BCAS3: variants seen among roughly 807,000 people sequenced by gnomAD.
The protein encoded by BCAS3 is BCAS3 microtubule associated cell migration factor.
In BCAS3, 53 loss-of-function variants were observed where a neutral mutation model predicts 116.1. That is an observed-to-expected ratio of 0.46 (90% CI 0.37 to 0.57). The LOEUF is 0.57. BCAS3 is among the 20% of genes least tolerant of loss of function. The probability of loss-of-function intolerance (pLI) is 0.00; values close to 1 mark genes in which losing one functional copy is unlikely to be tolerated. For missense variants in BCAS3, 917 were observed against 1,165.4 expected, an observed-to-expected ratio of 0.79 and a Z score of 3.10; for synonymous variants, 391 against 408.2, an observed-to-expected ratio of 0.96 and a Z score of 0.51.
At chr17:60,732,942 A>T (rs922712011) in intron 5 of BCAS3, among the ~76,000 whole-genome samples, 2 of 152,256 alleles carry the variant, frequency 1.3e-5, no homozygotes, top group African/African-American at 4.8e-5. Context: ...TATTAATAGC[A>T]TGATTTGAGA....
In BCAS3 at chr17:61,285,770, A is replaced by G. The variant is rs920903545; in HGVS notation, c.2426-82557A>G. ...AGAGACTAGGAGCTAGGAGCTGCGGATCTGCAGTTTCCCAAAGGTAAAGGA... is the reference window on the plus strand; with the variant it reads ...AGAGACTAGGAGCTAGGAGCTGCGGGTCTGCAGTTTCCCAAAGGTAAAGGA... On this transcript the variant is annotated intron_variant, in intron 22 of 23. Coordinates refer to ENST00000407086, the MANE Select transcript of BCAS3 (RefSeq NM_017679.5). This position sits in a 1 kb window ranked among gnomAD's most constrained non-coding sequence, Gnocchi z 5.4. Among the ~76,000 whole-genome samples, 2 of 152,194 alleles carry G rather than the reference A, an allele frequency of 1.3e-5. No individual in the cohort carries two copies. The highest frequency in any genetic ancestry group is 2.4e-5 in the African/African-American group (1 of 41,434).
In BCAS3 at chr17:61,366,240, G is replaced by A. The variant is rs923321890; in HGVS notation, c.2426-2087G>A. On this transcript the variant is annotated intron_variant, in intron 22 of 23. Transcript: ENST00000407086. This position sits in a 1 kb window ranked among gnomAD's most constrained non-coding sequence, Gnocchi z 4.5. ...TCGCATGCAGACCCTTCAGAGAAAC[G>A]ATGATGCTTTAGCACTGTAGCACTA... Among the ~76,000 whole-genome samples the A allele has an allele frequency of 6.6e-6, 1 of 152,142 alleles. No individual in the cohort carries two copies. The highest frequency in any genetic ancestry group is 1.5e-5 in the Non-Finnish European group (1 of 68,032).
intron 4 of BCAS3, among the ~76,000 whole-genome samples, chr17:60,696,140 G>A (rs1216425393): frequency 2.0e-5 from 3 of 152,178 alleles, no homozygotes; most frequent in African/African-American, 7.2e-5. Context: ...GGCTCAGTCT[G>A]AGTCACTCTC....
intron 22 of BCAS3, chr17:61,086,886 T>G (rs1321711919): frequency 1.0e-6 from 1 of 985,146 alleles, no homozygotes; most frequent in Non-Finnish European, 1.2e-6. Flanking sequence ...GAAATATATG[T>G]TAACGCATTT....
intron 18 of BCAS3, among the ~76,000 whole-genome samples, chr17:61,038,591 G>A (rs1824478082): frequency 6.7e-6 from 1 of 149,866 alleles, no homozygotes; most frequent in Admixed American, 6.7e-5. Flanking sequence ...CATATAGTAT[G>A]TAATTTCTTA....
chr17:60,724,665 C>T lies in BCAS3; in HGVS notation c.321+15340C>T, dbSNP rs140795082. Among the ~76,000 whole-genome samples, 59 of 150,094 alleles carry T rather than the reference C, an allele frequency of 3.9e-4. 1 individual carries two copies. The East Asian group carries it at 0.012, about 30-fold the overall frequency. ...GCTTGAATCCAGGAGTGGGAGGTTG[C>T]AGTGAGCCAAGATTGCCACTGCACT... On this transcript the variant is annotated intron_variant, in intron 5 of 23. Coordinates refer to ENST00000407086, the MANE Select transcript of BCAS3 (RefSeq NM_017679.5).
At chr17:61,250,302 GAGA>G (rs776035816) in intron 22 of BCAS3, among the ~76,000 whole-genome samples, 4 of 152,178 alleles carry the variant, frequency 2.6e-5, no homozygotes, top group African/African-American at 4.8e-5. Flanking sequence ...TTTTAAACAT[GAGA>G]AGATTTATAA....
chr17:61,085,484 G>T (rs892380604), intron 22 of BCAS3, among the ~76,000 whole-genome samples: 6 of 152,168 alleles, frequency 3.9e-5, no homozygotes, highest in Non-Finnish European at 7.4e-5. Context: ...ACTTTAAAAA[G>T]ACCAAAGTTT....
At chr17:60,806,438 C>T (rs2048295283) in intron 6 of BCAS3, among the ~76,000 whole-genome samples, 2 of 152,088 alleles carry the variant, frequency 1.3e-5, no homozygotes, top group South Asian at 2.1e-4. Context: ...CCCAAATAAT[C>T]AATATGCCAA....
At chr17:60,899,785 C>A (rs1272226206) in intron 10 of BCAS3, 1 of 152,136 alleles carries the variant, frequency 6.6e-6, no homozygotes, top group Non-Finnish European at 1.5e-5. Context: ...TGTGAGCCAC[C>A]ACTCCAGGCC....
Position 61,227,076 on chromosome 17 carries a change from C to T in BCAS3, c.2426-141251C>T, listed in dbSNP as rs1194892441. 6.6e-6 allele frequency among the ~76,000 whole-genome samples: 1 copy of T among 152,172 alleles called. No individual in the cohort carries two copies. Among genetic ancestry groups the T allele is most frequent in the Non-Finnish European group, 1.5e-5 (1 of 68,022 alleles). On this transcript the variant is annotated intron_variant, in intron 22 of 23. Coordinates refer to ENST00000407086, the MANE Select transcript of BCAS3 (RefSeq NM_017679.5). The surrounding 1 kb of genome is among the most constrained non-coding windows in gnomAD (Gnocchi z 6.1). The stretch of plus-strand genomic sequence containing the variant: ...GGTTAACTGTGTGCAACGCCCCTTT[C>T]CCATAGGTTATGGTTACTCCATAGT...
At chr17:60,975,283 G>A (rs1430745223) in intron 14 of BCAS3, among the ~76,000 whole-genome samples, 1 of 151,674 alleles carries the variant, frequency 6.6e-6, no homozygotes, top group South Asian at 2.1e-4. Context: ...TTACAGGCGT[G>A]AGCCACCGCG....
intron 22 of BCAS3, among the ~76,000 whole-genome samples, chr17:61,091,288 G>A (rs765068397): frequency 2.0e-5 from 3 of 152,128 alleles, no homozygotes; most frequent in Non-Finnish European, 4.4e-5. Flanking sequence ...ATATTTACAT[G>A]GGACTTTTTG....
intron 6 of BCAS3, among the ~76,000 whole-genome samples, chr17:60,795,873 A>G (rs2047170801): frequency 6.6e-6 from 1 of 152,168 alleles, no homozygotes; most frequent in South Asian, 2.1e-4. Context: ...TGTTTTTAGT[A>G]GAGACAGGGT....
intron 9 of BCAS3, chr17:60,887,171 G>A (rs889338353): frequency 6.6e-6 from 1 of 152,410 alleles, no homozygotes; most frequent in Admixed American, 6.6e-5. Context: ...AAGCCGGTCT[G>A]AAAAGCGCAA....
chr17:60,983,288 A>G (rs1228747396), intron 14 of BCAS3, among the ~76,000 whole-genome samples: 2 of 152,206 alleles, frequency 1.3e-5, no homozygotes, highest in African/African-American at 4.8e-5. Flanking sequence ...TCCAAAAATC[A>G]TGCAGATAAT....
chr17:61,078,200 G>T (rs1348763209), intron 20 of BCAS3, 133 bp from the exon 21 acceptor site: 2 of 642,934 alleles, frequency 3.1e-6, no homozygotes, highest in Non-Finnish European at 5.4e-6. Context: ...TTAATTATGG[G>T]TGTCCTATCC....
chr17:61,191,703 AG>A (rs2080130246), intron 22 of BCAS3, among the ~76,000 whole-genome samples: 1 of 151,774 alleles, frequency 6.6e-6, no homozygotes, highest in Non-Finnish European at 1.5e-5. Flanking sequence ...TGAACCTGGG[AG>A]GCAGAGCTTG....
rs1163182148 is a variant in BCAS3 at position 61,377,874 on chromosome 17, G to A, written c.2593+9380G>A. On this transcript the variant is annotated intron_variant, in intron 23 of 23. Transcript: ENST00000407086. The surrounding 1 kb of genome is among the most constrained non-coding windows in gnomAD (Gnocchi z 4.6). ...TGAAGTGAGAGTATAACTAAAAGAT[G>A]TGGGATTAAAATAAGAAATTTGGGA... The A allele has an allele frequency of 6.6e-6, 1 of 152,242 alleles. No individual in the cohort carries two copies. Among genetic ancestry groups the A allele is most frequent in the African/African-American group, 2.4e-5 (1 of 41,454 alleles). 9.4% of individuals were successfully genotyped at this position (152,242 alleles called of 1,614,324 possible).
Sources: allele counts gnomAD v4.1 joint callset (sites outside exome capture counted in the v4.1 genomes callset), GRCh38; gene constraint gnomAD v4.1.1; non-coding constraint Gnocchi (gnomAD v3.1); transcripts MANE v1.5; gene names NCBI Gene and HGNC (gene_info 2026-07-23, HGNC 2026-07-21).